PDE4D: variants seen among roughly 807,000 people sequenced by gnomAD.
PDE4D encodes the protein 3',5'-cyclic-AMP phosphodiesterase 4D.
In PDE4D, 24 loss-of-function variants were observed where a neutral mutation model predicts 87.4. The ratio of observed to expected loss-of-function variants is 0.27; its 90% confidence interval spans 0.20 to 0.39. The LOEUF (loss-of-function observed/expected upper bound fraction) is 0.39. Among genes scored for constraint, PDE4D ranks in the 10% least tolerant of loss-of-function variants. The pLI, the probability that PDE4D is intolerant of heterozygous loss-of-function variation, is 1.00. For synonymous variants in PDE4D, 384 were observed against 383.2 expected (o/e 1.00, Z -0.02); for missense variants, 714 against 1,041.0 (o/e 0.69, Z 4.32).
At chr5:59,112,831 G>A (rs113233385) in intron 5 of PDE4D, among the ~76,000 whole-genome samples, 114 of 129,932 alleles carry the variant, frequency 8.8e-4, no homozygotes, top group African/African-American at 2.8e-3. Context: ...ACAGAGTTTC[G>A]CTCTTGTTGC....
chr5:59,672,621 C>T (rs1294988250), intron 1 of PDE4D, among the ~76,000 whole-genome samples: 1 of 152,042 alleles, frequency 6.6e-6, no homozygotes, highest in Non-Finnish European at 1.5e-5. Flanking sequence ...ATTTTTATTA[C>T]TGCAAATTTT....
intron 1 of PDE4D, among the ~76,000 whole-genome samples, chr5:60,206,747 T>C (rs1481913874): frequency 1.3e-5 from 2 of 152,244 alleles, no homozygotes; most frequent in Non-Finnish European, 1.5e-5. Context: ...GCAGGACTCA[T>C]ACCTATACAG....
chr5:60,462,383 C>T (rs1747016119), intron 1 of PDE4D, among the ~76,000 whole-genome samples: 1 of 152,074 alleles, frequency 6.6e-6, no homozygotes, highest in African/African-American at 2.4e-5. Context: ...CACATTCTTA[C>T]AAGGATCCTC....
chr5:59,468,039 T>C (rs1253513189), intron 1 of PDE4D, among the ~76,000 whole-genome samples: 1 of 152,186 alleles, frequency 6.6e-6, no homozygotes. Flanking sequence ...TCTGTTTCCA[T>C]TGAGGATTTT....
At chr5:60,464,442 T>C (rs1747190861) in intron 1 of PDE4D, among the ~76,000 whole-genome samples, 1 of 152,206 alleles carries the variant, frequency 6.6e-6, no homozygotes, top group Non-Finnish European at 1.5e-5. Flanking sequence ...ACTCTGGATA[T>C]TATCATCACA....
chr5:59,004,473 G>C (rs141897302), intron 6 of PDE4D, among the ~76,000 whole-genome samples: 1 of 152,238 alleles, frequency 6.6e-6, no homozygotes, highest in East Asian at 1.9e-4. Flanking sequence ...AGTAACAGTA[G>C]CATGAAAATG....
intron 1 of PDE4D, among the ~76,000 whole-genome samples, chr5:59,553,092 G>A (rs936367590): frequency 3.9e-5 from 6 of 152,010 alleles, no homozygotes; most frequent in Non-Finnish European, 7.4e-5. Flanking sequence ...ATATCGCTTT[G>A]TCAAGGTTAT....
intron 1 of PDE4D, among the ~76,000 whole-genome samples, chr5:60,231,754 C>T (rs1309819075): frequency 6.6e-6 from 1 of 151,958 alleles, no homozygotes; most frequent in East Asian, 1.9e-4. Flanking sequence ...CCTCTCAGGA[C>T]AATGACCTCA....
chr5:59,590,732 C>A (rs1276670531), intron 1 of PDE4D, among the ~76,000 whole-genome samples: 1 of 151,994 alleles, frequency 6.6e-6, no homozygotes, highest in Non-Finnish European at 1.5e-5. Flanking sequence ...TTTAATCCCA[C>A]AGCAAGCACA....
intron 1 of PDE4D, among the ~76,000 whole-genome samples, chr5:59,711,704 G>A (rs920227508): frequency 2.0e-5 from 3 of 152,016 alleles, no homozygotes; most frequent in Non-Finnish European, 2.9e-5. Context: ...TTATTCCAGC[G>A]ATTTTTAATT....
intron 1 of PDE4D, among the ~76,000 whole-genome samples, chr5:59,574,693 T>C (rs1199232303): frequency 6.6e-6 from 1 of 152,164 alleles, no homozygotes; most frequent in Non-Finnish European, 1.5e-5. Context: ...AACCTCCAGA[T>C]TTTCATACTC....
At chr5:59,471,330 A>C (rs1717849687) in intron 1 of PDE4D, among the ~76,000 whole-genome samples, 2 of 152,216 alleles carry the variant, frequency 1.3e-5, no homozygotes, top group African/African-American at 4.8e-5. Flanking sequence ...AGATTTTTCC[A>C]AGTCTGTCTT....
upstream of PDE4D, chr5:60,490,742 G>T (rs962596830): frequency 2.6e-5 from 4 of 152,170 alleles, no homozygotes; most frequent in African/African-American, 4.8e-5. Context: ...CAAGAATTAA[G>T]ATGATCCCAA....
At chr5:59,029,449 ATCT>A in intron 6 of PDE4D, among the ~76,000 whole-genome samples, 1 of 151,610 alleles carries the variant, frequency 6.6e-6, no homozygotes, top group Admixed American at 6.6e-5. Flanking sequence ...TTAGGAGCAA[ATCT>A]AACCAACAAG....
At chr5:60,240,322 G>A (rs1389512808) in intron 1 of PDE4D, among the ~76,000 whole-genome samples, 1 of 151,980 alleles carries the variant, frequency 6.6e-6, no homozygotes, top group Non-Finnish European at 1.5e-5. Flanking sequence ...CACACCTTCA[G>A]AAGAACCAAA....
At chr5:60,054,594 T>A (rs1770577869) in intron 2 of PDE4D, among the ~76,000 whole-genome samples, 2 of 151,966 alleles carry the variant, frequency 1.3e-5, no homozygotes, top group Non-Finnish European at 2.9e-5. Context: ...ATGGGTTGAT[T>A]GGTGTGGCAA....
rs181413863 is a variant in PDE4D at position 59,500,572 on chromosome 5, A to G, written c.456-284604T>C. 1.1e-3 allele frequency among the ~76,000 whole-genome samples: 175 copies of G among 152,254 alleles called. 1 individual carries two copies. Among genetic ancestry groups the G allele is most frequent in the African/African-American group, 4.0e-3 (167 of 41,548 alleles). On this transcript the variant is annotated intron_variant, in intron 1 of 14. Coordinates refer to ENST00000340635, the MANE Select transcript of PDE4D (RefSeq NM_001104631.2). ...AAACACTGGAGGCAACACGGACACA[A>G]ATATGGAAACACTGAACAACTGAGG...
At chr5:60,228,510 A>G (rs1035910978) in intron 1 of PDE4D, among the ~76,000 whole-genome samples, 2 of 151,932 alleles carry the variant, frequency 1.3e-5, no homozygotes, top group African/African-American at 4.8e-5. Flanking sequence ...GTGCCCCCCA[A>G]TGAGCTGTGC....
intron 1 of PDE4D, among the ~76,000 whole-genome samples, chr5:60,281,839 G>C (rs2149748690): frequency 6.6e-6 from 1 of 152,060 alleles, no homozygotes; most frequent in East Asian, 1.9e-4. Context: ...AGGAATTTGA[G>C]ACCAGCCTGG....
Sources: gnomAD v4.1 joint callset for allele counts (sites outside exome capture counted in the v4.1 genomes callset) on GRCh38, gnomAD v4.1.1 for gene constraint, MANE v1.5 for transcripts, NCBI Gene and HGNC (gene_info 2026-07-23, HGNC 2026-07-21) for gene names.